Variants in KLRK1 observed in about 807,000 individuals in gnomAD.
The protein encoded by KLRK1 is killer cell lectin like receptor K1.
Under a neutral mutation model 31.3 loss-of-function variants are expected in KLRK1, and 40 were observed. That is an observed-to-expected ratio of 1.28 (90% CI 0.99 to 1.67). The LOEUF is 1.67. Ranked by LOEUF, KLRK1 falls within the 40% of genes most tolerant of loss-of-function variation. The probability of loss-of-function intolerance (pLI) is 0.00; values close to 1 mark genes in which losing one functional copy is unlikely to be tolerated. For missense variants in KLRK1, 251 were observed against 260.0 expected (o/e 0.97, Z 0.24); for synonymous variants, 77 against 77.3 (o/e 1.00, Z 0.02).
At chr12:10,378,358 C>T in intron 6 of KLRK1, 123 bp from the exon 7 acceptor site, 1 of 1,292,866 alleles carries the variant, frequency 7.7e-7, no homozygotes, top group Non-Finnish European at 1.1e-6. Flanking sequence ...CACTAACTGG[C>T]ATAATTCTCA....
At chr12:10,389,573 A>T (rs1863237064) in intron 1 of KLRK1, among the ~76,000 whole-genome samples, 1 of 152,180 alleles carries the variant, frequency 6.6e-6, no homozygotes, top group Non-Finnish European at 1.5e-5. Flanking sequence ...AAAGATGTGT[A>T]TCAAAGGTAA....
chr12:10,378,855 TTC>T, intron 5 of KLRK1, 150 bp from the exon 6 acceptor site: 1 of 951,690 alleles, frequency 1.1e-6, no homozygotes, highest in Non-Finnish European at 1.5e-6. Context: ...TCTCTACATA[TTC>T]ATAGAGAGAA....
At chr12:10,378,063 T>G in intron 7 of KLRK1, 69 bp downstream of exon 7, 2 of 1,445,676 alleles carry the variant, frequency 1.4e-6, no homozygotes, top group Non-Finnish European at 9.5e-7. Flanking sequence ...AGATGAGTGA[T>G]TAGAATTATT....
rs1368232873 is a variant in KLRK1, at chr12:10,378,173, T to A, written c.492A>T (p.Gly164=). The change falls in exon 7 of 8, where the codon GGA becomes GGT. Residue 164 remains glycine (G), a synonymous_variant. Coordinates refer to ENST00000240618, the MANE Select transcript of KLRK1 (RefSeq NM_007360.4). ...TGGAGCCATCTTCCCACTGCCAAGA[T>A]CCATTTGTTGGAATGTGTACTAGTC... ...WMGLVHIPTN[G]SWQWEDGSIL... is the part of the protein sequence containing the mutation. 1 of 1,614,120 alleles carries A rather than the reference T, an allele frequency of 6.2e-7. No individual in the cohort carries two copies. Among genetic ancestry groups the A allele is most frequent in the Admixed American group, 1.7e-5 (1 of 60,024 alleles).
At chr12:10,387,428 C>T (rs940478612) in intron 2 of KLRK1, among the ~76,000 whole-genome samples, 13 of 151,072 alleles carry the variant, frequency 8.6e-5, no homozygotes, top group East Asian at 7.8e-4. Flanking sequence ...TTGCAAAAGA[C>T]GAAAGAAATA....
chr12:10,382,942 T>C (rs1863102746), intron 3 of KLRK1, among the ~76,000 whole-genome samples: 1 of 152,196 alleles, frequency 6.6e-6, no homozygotes, highest in East Asian at 1.9e-4. Context: ...CAGTATAAAA[T>C]AATTGCTATA....
intron 2 of KLRK1, 120 bp from the exon 3 acceptor site, chr12:10,387,130 G>A: frequency 3.2e-6 from 2 of 630,696 alleles, no homozygotes; most frequent in Non-Finnish European, 5.3e-6. Context: ...CCTTTTTAAA[G>A]TACAACATGA....
At chr12:10,383,591 C>G (rs892494861) in intron 3 of KLRK1, among the ~76,000 whole-genome samples, 9 of 151,982 alleles carry the variant, frequency 5.9e-5, no homozygotes, top group East Asian at 1.9e-4. Context: ...ATGGACAGAT[C>G]ATTCAGGCAG....
intron 7 of KLRK1, 100 bp downstream of exon 7, chr12:10,378,032 C>A: frequency 8.1e-7 from 1 of 1,242,002 alleles, no homozygotes; most frequent in South Asian, 1.5e-5. Context: ...TTAGAATGTG[C>A]AAATGTCCTG....
At chr12:10,377,069 G>A (rs1009811661) in intron 7 of KLRK1, among the ~76,000 whole-genome samples, 3 of 152,016 alleles carry the variant, frequency 2.0e-5, no homozygotes, top group Non-Finnish European at 4.4e-5. Context: ...TGCCTGCCTC[G>A]GCCTCCCAAA....
intron 5 of KLRK1, chr12:10,379,213 T>G (rs1300841432): frequency 3.2e-5 from 1 of 31,088 alleles, no homozygotes; most frequent in Non-Finnish European, 5.3e-5. Context: ...AGACCCCATC[T>G]CAAAAAAAAA....
intron 3 of KLRK1, among the ~76,000 whole-genome samples, chr12:10,381,402 A>G (rs537951925): frequency 1.2e-4 from 18 of 152,346 alleles, no homozygotes; most frequent in African/African-American, 4.1e-4. Context: ...TGCTTAAGGG[A>G]GTCCTATATC....
intron 3 of KLRK1, among the ~76,000 whole-genome samples, chr12:10,380,805 A>G (rs920431643): frequency 3.9e-5 from 6 of 152,140 alleles, no homozygotes; most frequent in African/African-American, 1.4e-4. Context: ...GGGAATTCAC[A>G]CTGGGGTCCC....
At chr12:10,378,955 A>G (rs1591581140) in intron 5 of KLRK1, 2 of 315,250 alleles carry the variant, frequency 6.3e-6, no homozygotes, top group East Asian at 1.3e-4. Flanking sequence ...GAAGTTTGAT[A>G]CCAGCCTGGC....
At chr12:10,381,811 T>C (rs1863081900) in intron 3 of KLRK1, 1 of 152,250 alleles carries the variant, frequency 6.6e-6, no homozygotes, top group Admixed American at 6.5e-5. Context: ...AAGATGGTCT[T>C]GCCTTGCCTA....
At chr12:10,386,854 A>G (rs1206788376) in intron 3 of KLRK1, 49 bp downstream of exon 3, 1 of 1,450,752 alleles carries the variant, frequency 6.9e-7, no homozygotes, top group Admixed American at 2.2e-5. Flanking sequence ...ATAGTTTCCA[A>G]GATTCATTTC....
intron 3 of KLRK1, among the ~76,000 whole-genome samples, chr12:10,380,675 T>G (rs1040088427): frequency 6.6e-6 from 1 of 152,068 alleles, no homozygotes; most frequent in South Asian, 2.1e-4. Flanking sequence ...TCCCCAGCAG[T>G]CCACATTCCC....
rs1169495675 is a variant in KLRK1, at chr12:10,373,429, CTT to C, written c.534-200_534-199del. ...TAAAAATTATAAATAATGCGCCACT[CTT>C]TTTATCATACATCAGAAACTAGCCA... On this transcript the variant is annotated intron_variant, in intron 7 of 7. Transcript: ENST00000240618. Among the ~76,000 whole-genome samples the C allele has an allele frequency of 2.0e-5, 3 of 152,128 alleles. No individual in the cohort carries two copies. In the South Asian group the frequency reaches 6.2e-4, roughly 32 times the overall value.
chr12:10,378,246 C>T lies in KLRK1; in HGVS notation c.430-11G>A, dbSNP rs776086617. The stretch of plus-strand genomic sequence containing the variant: ...CAGTTTAAGTAAATCCTGTTTGAAA[C>T]CACAAATAAACTATAAGTAAAATCA... On this transcript the variant is annotated splice_polypyrimidine_tract_variant and intron_variant, in intron 6 of 7. Transcript: ENST00000240618. The T allele has an allele frequency of 6.2e-7, 1 of 1,607,818 alleles. No homozygotes were observed. The highest frequency in any genetic ancestry group is 1.1e-5 in the South Asian group (1 of 89,714).
Sources: gnomAD v4.1 joint callset for allele counts (sites outside exome capture counted in the v4.1 genomes callset) on GRCh38, gnomAD v4.1.1 for gene constraint, MANE v1.5 for transcripts, NCBI Gene and HGNC (gene_info 2026-07-23, HGNC 2026-07-21) for gene names.